The following STK10 variants were observed in gnomAD, a reference collection of about 807,000 sequenced individuals.
STK10 encodes the protein serine/threonine kinase 10, also known as serine/threonine-protein kinase 10.
Under a neutral mutation model 113.8 loss-of-function variants are expected in STK10, and 78 were observed. That is an observed-to-expected ratio of 0.69 (90% CI 0.57 to 0.83). The LOEUF is 0.83. Ranked by LOEUF, STK10 falls within the 40% of genes least tolerant of loss-of-function variation. The probability of loss-of-function intolerance (pLI) is 0.00; values close to 1 mark genes in which losing one functional copy is unlikely to be tolerated. For synonymous variants in STK10, 465 were observed against 494.7 expected (o/e 0.94, Z 0.80); for missense variants, 1,109 against 1,280.1 (o/e 0.87, Z 2.04).
intron 12 of STK10, among the ~76,000 whole-genome samples, chr5:172,080,786 G>C (rs1433575771): frequency 6.6e-6 from 1 of 152,274 alleles, no homozygotes; most frequent in African/African-American, 2.4e-5. Flanking sequence ...GCAGCAGCAA[G>C]TGCTGACGGA....
intron 1 of STK10, among the ~76,000 whole-genome samples, chr5:172,166,141 C>T (rs888937681): frequency 6.6e-6 from 1 of 152,166 alleles, no homozygotes; most frequent in Non-Finnish European, 1.5e-5. Flanking sequence ...CTTTTTCTTT[C>T]TCTGGCGCTG....
At chr5:172,141,503 C>T (rs1400519748) in intron 2 of STK10, among the ~76,000 whole-genome samples, 1 of 151,544 alleles carries the variant, frequency 6.6e-6, no homozygotes, top group Non-Finnish European at 1.5e-5. Flanking sequence ...ATGGCTTGTG[C>T]CCAGGAATCA....
chr5:172,096,831 G>A (rs982264114), intron 7 of STK10, among the ~76,000 whole-genome samples: 11 of 152,182 alleles, frequency 7.2e-5, no homozygotes, highest in Admixed American at 1.3e-4. Context: ...AAGTGGACAC[G>A]TTAACAATGA....
chr5:172,122,880 C>T (rs1769544462), intron 3 of STK10, among the ~76,000 whole-genome samples: 1 of 152,202 alleles, frequency 6.6e-6, no homozygotes, highest in African/African-American at 2.4e-5. Context: ...GCCTCGGCCT[C>T]CCAAAGTGCT....
chr5:172,059,954 C>T (rs1014188511), intron 14 of STK10, among the ~76,000 whole-genome samples: 41 of 152,194 alleles, frequency 2.7e-4, no homozygotes, highest in African/African-American at 9.7e-4. Flanking sequence ...AACTGTGCAA[C>T]CTCAGTGCTA....
chr5:172,089,423 TGGA>T, intron 10 of STK10, among the ~76,000 whole-genome samples: 1 of 151,746 alleles, frequency 6.6e-6, no homozygotes, highest in Non-Finnish European at 1.5e-5. Flanking sequence ...GATGGATGGA[TGGA>T]TGGATGGATG....
At position 172,054,627 on chromosome 5, in the gene STK10, T is replaced by A; in HGVS notation, c.2594A>T (p.Gln865Leu). 1 of 1,610,990 alleles carries A rather than the reference T, an allele frequency of 6.2e-7. No homozygotes were observed. The highest frequency in any genetic ancestry group is 8.5e-7 in the Non-Finnish European group (1 of 1,179,852). ...ACACTGCGCCAGCATGTCCCGCATCTGGTTCTCGTGTTTCTGCTGTTGCTG... is the reference window on the plus strand; with the variant it reads ...ACACTGCGCCAGCATGTCCCGCATCAGGTTCTCGTGTTTCTGCTGTTGCTG... ...RLQQQQKHEN[Q>L]MRDMLAQCES... is the part of the protein sequence containing the mutation. The change falls in exon 17 of 19, where the codon CAG becomes CTG. Residue 865 changes from glutamine (Q) to leucine (L), a missense_variant. By Grantham distance (113) the Gln-to-Leu change is moderately radical. Around this residue, in one of 5 missense-constraint regions of STK10, gnomAD observed 885 missense variants for 991.1 expected, o/e 0.89. Transcript: ENST00000176763.
intron 14 of STK10, among the ~76,000 whole-genome samples, chr5:172,059,615 G>A (rs1036138283): frequency 1.2e-4 from 19 of 152,046 alleles, no homozygotes; most frequent in Admixed American, 6.5e-4. Context: ...ACCCAGAGAC[G>A]CCCCGTCTGA....
chr5:172,149,712 G>C (rs1770170405), intron 2 of STK10, among the ~76,000 whole-genome samples: 1 of 152,162 alleles, frequency 6.6e-6, no homozygotes, highest in Non-Finnish European at 1.5e-5. Flanking sequence ...CAGAACTGCA[G>C]AGATACAAGG....
At chr5:172,147,722 T>C (rs1200333671) in intron 2 of STK10, among the ~76,000 whole-genome samples, 1 of 152,166 alleles carries the variant, frequency 6.6e-6, no homozygotes, top group African/African-American at 2.4e-5. Flanking sequence ...CTGTGTGGCA[T>C]GCCTTCCTAT....
chr5:172,081,537 T>C (rs957549694), intron 12 of STK10, among the ~76,000 whole-genome samples: 1 of 152,112 alleles, frequency 6.6e-6, no homozygotes, highest in African/African-American at 2.4e-5. Context: ...CCGAGGTATA[T>C]CTGTGCCTAA....
intron 13 of STK10, 47 bp downstream of exon 13, chr5:172,064,673 G>A: frequency 6.3e-7 from 1 of 1,599,060 alleles, no homozygotes; most frequent in Non-Finnish European, 8.6e-7. Flanking sequence ...CACCATTCCA[G>A]GTCTCGCACC....
chr5:172,050,900 A>G (rs1218315181), intron 18 of STK10, among the ~76,000 whole-genome samples: 1 of 151,836 alleles, frequency 6.6e-6, no homozygotes, highest in Admixed American at 6.6e-5. Context: ...TTTTGTAGAG[A>G]TGAGGTTTCA....
chr5:172,172,621 G>C (rs2113834920), intron 1 of STK10, among the ~76,000 whole-genome samples: 1 of 152,288 alleles, frequency 6.6e-6, no homozygotes, highest in South Asian at 2.1e-4. Context: ...CACTTGCCCA[G>C]GGTTACACAG....
chr5:172,135,808 C>T (rs1403577962), intron 2 of STK10, among the ~76,000 whole-genome samples: 1 of 152,212 alleles, frequency 6.6e-6, no homozygotes, highest in East Asian at 1.9e-4. Flanking sequence ...GGGTGGATCA[C>T]CTGAGGTCAG....
In STK10 at chr5:172,106,747, A is replaced by G. The variant is rs779598810; in HGVS notation, c.661T>C (p.Trp221Arg). The G allele has an allele frequency of 6.2e-7, 1 of 1,614,180 alleles. No individual in the cohort carries two copies. The highest frequency in any genetic ancestry group is 1.1e-5 in the South Asian group (1 of 91,084). The change falls in exon 6 of 19, where the codon TGG (tryptophan) becomes CGG (arginine). Residue 221 changes from tryptophan to arginine, a missense_variant. By Grantham distance (101) the Trp-to-Arg change is moderately radical (BLOSUM62 -3). Coordinates refer to ENST00000176763, the MANE Select transcript of STK10 (RefSeq NM_005990.4). Reference sequence around the variant, plus strand: ...TCAATCAGCGTGATGCCCAGGGACCAGATGTCGGCTTTGTAGTCGTAGGGC... The same window carrying G: ...TCAATCAGCGTGATGCCCAGGGACCGGATGTCGGCTTTGTAGTCGTAGGGC... Reference protein sequence around the residue: ...DTPYDYKADIWSLGITLIEMA... With the variant: ...DTPYDYKADIRSLGITLIEMA...
rs530105460 is a variant in STK10, at chr5:172,120,378, G to A, written c.371-2748C>T. Among the ~76,000 whole-genome samples the A allele has an allele frequency of 1.8e-3, 269 of 152,338 alleles. 1 individual carries two copies. The highest frequency in any genetic ancestry group is 3.5e-3 in the Non-Finnish European group (235 of 68,020). ...CCAACCAGGAATGCAGGTACCAACT[G>A]CCCTGCTCTGGGAAGCCAGGCCCCA... On this transcript the variant is annotated intron_variant, in intron 3 of 18. Transcript: ENST00000176763. The surrounding 1 kb of genome is among the most constrained non-coding windows in gnomAD (Gnocchi z 4.0).
Position 172,093,769 on chromosome 5 carries a change from T to C in STK10, c.1197A>G (p.Gly399=), listed in dbSNP as rs767634562. The change falls in exon 9 of 19, where the codon GGA becomes GGG. Residue 399 remains glycine (G), a synonymous_variant. Coordinates refer to ENST00000176763, the MANE Select transcript of STK10 (RefSeq NM_005990.4). This position sits in a 1 kb window ranked among gnomAD's most constrained non-coding sequence, Gnocchi z 4.1. ...CAGGCACTGCCAGGCCGTTCTCATT[T>C]CCAGGGGCCACGACTGGGGGACTGG... ...QTTSPPVVAP[G]NENGLAVPVP... The C allele has an allele frequency of 1.9e-6, 3 of 1,611,146 alleles. No homozygotes were observed. The highest frequency in any genetic ancestry group is 2.5e-6 in the Non-Finnish European group (3 of 1,177,532).
chr5:172,065,207 G>C (rs575335468), intron 12 of STK10, among the ~76,000 whole-genome samples: 135 of 151,490 alleles, frequency 8.9e-4, no homozygotes, highest in African/African-American at 3.2e-3. Context: ...TAGTCCAACA[G>C]ACAATATCGT....
Sources: gnomAD v4.1 joint callset for allele counts (sites outside exome capture counted in the v4.1 genomes callset) on GRCh38, gnomAD v4.1.1 for gene constraint, gnomAD v4.1.1 regional missense constraint, Gnocchi (gnomAD v3.1) non-coding constraint, MANE v1.5 for transcripts, NCBI Gene and HGNC (gene_info 2026-07-23, HGNC 2026-07-21) for gene names.